PDE11A: variants seen among roughly 807,000 people sequenced by gnomAD.
PDE11A encodes the protein dual 3',5'-cyclic-AMP and -GMP phosphodiesterase 11A.
In PDE11A, 100 loss-of-function variants were observed where a neutral mutation model predicts 100.5. The ratio of observed to expected loss-of-function variants is 1.00; its 90% confidence interval spans 0.85 to 1.18. The LOEUF is 1.18. PDE11A is among the 50% of genes most tolerant of loss of function. The probability of loss-of-function intolerance (pLI) is 0.00; values close to 1 mark genes in which losing one functional copy is unlikely to be tolerated. For missense variants in PDE11A, 1,141 were observed against 1,152.6 expected (o/e 0.99, Z 0.15); for synonymous variants, 381 against 420.8 (o/e 0.91, Z 1.16).
chr2:177,744,532 C>T (rs1413099268), intron 10 of PDE11A, among the ~76,000 whole-genome samples: 1 of 152,180 alleles, frequency 6.6e-6, no homozygotes, highest in Non-Finnish European at 1.5e-5. Flanking sequence ...GTCCAGTTCA[C>T]CTTATTCAAT....
chr2:178,080,859 G>A (rs941179743), intron 2 of PDE11A, among the ~76,000 whole-genome samples: 13 of 151,446 alleles, frequency 8.6e-5, no homozygotes, highest in Admixed American at 1.3e-4. Flanking sequence ...TTTATTTTTT[G>A]AGTGATCATG....
intron 2 of PDE11A, among the ~76,000 whole-genome samples, chr2:177,944,363 C>A (rs2085378703): frequency 6.6e-6 from 1 of 152,164 alleles, no homozygotes; most frequent in South Asian, 2.1e-4. Flanking sequence ...AAAGAAAGTT[C>A]TGTCAATGTG....
chr2:178,089,056 G>C (rs140174009), intron 2 of PDE11A, among the ~76,000 whole-genome samples: 4 of 152,272 alleles, frequency 2.6e-5, no homozygotes, highest in Non-Finnish European at 4.4e-5. Flanking sequence ...TATGGTGCCC[G>C]TATCAGTTAG....
At chr2:177,815,843 T>G (rs979838004) in intron 9 of PDE11A, among the ~76,000 whole-genome samples, 4 of 152,206 alleles carry the variant, frequency 2.6e-5, no homozygotes, top group Admixed American at 6.6e-5. Flanking sequence ...TCTATATACT[T>G]TTATCTTGGC....
At chr2:177,758,313 A>C (rs950390742) in intron 10 of PDE11A, among the ~76,000 whole-genome samples, 1 of 147,728 alleles carries the variant, frequency 6.8e-6, no homozygotes, top group African/African-American at 2.5e-5. Context: ...AAAAAAAAAA[A>C]AAAAAAGAAT....
chr2:178,080,126 G>T (rs2087264947), intron 2 of PDE11A, among the ~76,000 whole-genome samples: 1 of 152,064 alleles, frequency 6.6e-6, no homozygotes, highest in African/African-American at 2.4e-5. Flanking sequence ...TTCTTTTGTT[G>T]TGCAGAAGCT....
At chr2:178,100,948 T>C (rs1184094450) in intron 2 of PDE11A, among the ~76,000 whole-genome samples, 1 of 152,220 alleles carries the variant, frequency 6.6e-6, no homozygotes, top group Non-Finnish European at 1.5e-5. Context: ...AGAGAAATAC[T>C]TTAAAAATTA....
rs72020976 is a variant in PDE11A at position 177,979,077 on chromosome 2, TAA to T, written c.1071+35223_1071+35224del. 5.1e-4 allele frequency among the ~76,000 whole-genome samples: 58 copies of T among 113,016 alleles called. 2 individuals carry two copies. Among genetic ancestry groups the T allele is most frequent in the African/African-American group, 1.1e-3 (35 of 31,536 alleles). The allele number at this position is 113,016 out of a possible 152,430, so 74.1% of individuals were successfully genotyped here. A position where few individuals can be genotyped will look rare whatever the true frequency, so the allele number is the denominator to read the frequency against. On this transcript the variant is annotated intron_variant, in intron 2 of 19. Transcript: ENST00000286063. ...ATGTACCCTAAAACTTAGAGTATAA[TAA>T]AAAAAAAAAAAAAAAGAAAGAAAAT... is the stretch of plus-strand genomic sequence containing the variant.
intron 9 of PDE11A, among the ~76,000 whole-genome samples, chr2:177,780,243 C>T (rs1279931352): frequency 6.6e-6 from 1 of 152,056 alleles, no homozygotes; most frequent in Non-Finnish European, 1.5e-5. Context: ...GTAGATTTAG[C>T]ATAATTCTTT....
chr2:177,747,758 C>T (rs746302515), intron 10 of PDE11A, among the ~76,000 whole-genome samples: 2 of 152,130 alleles, frequency 1.3e-5, no homozygotes, highest in African/African-American at 2.4e-5. Context: ...TCAGGAAAGC[C>T]TTTGAGAGAC....
chr2:177,782,224 A>G (rs2082464105), intron 9 of PDE11A, among the ~76,000 whole-genome samples: 1 of 152,184 alleles, frequency 6.6e-6, no homozygotes, highest in African/African-American at 2.4e-5. Context: ...GGTACTTTGC[A>G]ACTACATCCA....
At chr2:177,870,326 C>T (rs1190829496) in intron 5 of PDE11A, among the ~76,000 whole-genome samples, 2 of 152,218 alleles carry the variant, frequency 1.3e-5, no homozygotes, top group African/African-American at 4.8e-5. Flanking sequence ...CATTTCAATG[C>T]CAGACCACAC....
intron 1 of PDE11A, among the ~76,000 whole-genome samples, chr2:178,066,203 A>G (rs2087041241): frequency 6.6e-6 from 1 of 152,032 alleles, no homozygotes; most frequent in Non-Finnish European, 1.5e-5. Flanking sequence ...ACAGCCTATA[A>G]TTTAATTAGG....
At chr2:177,898,343 CAT>C (rs1351984295) in intron 3 of PDE11A, 145 bp from the exon 4 acceptor site, 19 of 645,340 alleles carry the variant, frequency 2.9e-5, no homozygotes, top group Middle Eastern at 3.8e-4. Flanking sequence ...ATTGTTTTGA[CAT>C]ATTTTTATCT....
chr2:177,934,294 A>G (rs2085246341), intron 2 of PDE11A, among the ~76,000 whole-genome samples: 1 of 152,202 alleles, frequency 6.6e-6, no homozygotes, highest in Non-Finnish European at 1.5e-5. Context: ...ACAAGCAAAA[A>G]ACAAATAACC....
chr2:177,947,564 G>C (rs1330834281), intron 2 of PDE11A, among the ~76,000 whole-genome samples: 4 of 151,976 alleles, frequency 2.6e-5, no homozygotes, highest in Non-Finnish European at 5.9e-5. Context: ...GATGCTTGAA[G>C]GCAGCATGCT....
intron 5 of PDE11A, among the ~76,000 whole-genome samples, chr2:177,860,881 A>G (rs1157901912): frequency 1.3e-5 from 2 of 151,892 alleles, no homozygotes; most frequent in African/African-American, 4.8e-5. Flanking sequence ...ACAAAATCCA[A>G]CATGCTTTCA....
At chr2:177,743,667 T>C (rs1253891902) in intron 10 of PDE11A, among the ~76,000 whole-genome samples, 2 of 152,226 alleles carry the variant, frequency 1.3e-5, no homozygotes, top group Non-Finnish European at 2.9e-5. Flanking sequence ...TAGTTTCTTG[T>C]TGAATTCACA....
intron 1 of PDE11A, among the ~76,000 whole-genome samples, chr2:178,027,821 TG>T (rs1214361341): frequency 1.3e-5 from 2 of 152,346 alleles, no homozygotes; most frequent in African/African-American, 4.8e-5. Context: ...TCTCAGATTC[TG>T]ACCTTCTCCA....
Sources: allele counts gnomAD v4.1 joint callset (sites outside exome capture counted in the v4.1 genomes callset), GRCh38; gene constraint gnomAD v4.1.1; transcripts MANE v1.5; gene names NCBI Gene and HGNC (gene_info 2026-07-23, HGNC 2026-07-21).